YEATS2: variants seen among roughly 807,000 people sequenced by gnomAD.
YEATS2 encodes the protein YEATS domain containing 2, also known as YEATS domain-containing protein 2.
YEATS2 carries 77 observed loss-of-function variants against 163.2 expected under a neutral mutation model. The observed-to-expected ratio is 0.47, with a 90% CI of 0.39 to 0.57. The LOEUF (loss-of-function observed/expected upper bound fraction) is 0.57. Ranked by LOEUF, YEATS2 falls within the 20% of genes least tolerant of loss-of-function variation. YEATS2 has a pLI of 0.00. For missense variants in YEATS2, 1,549 were observed against 1,729.8 expected, an observed-to-expected ratio of 0.90 and a Z score of 1.85; for synonymous variants, 631 against 645.1, an observed-to-expected ratio of 0.98 and a Z score of 0.33.
chr3:183,754,526 C>A (rs1337231459), intron 11 of YEATS2, among the ~76,000 whole-genome samples, 161 bp downstream of exon 11: 1 of 152,142 alleles, frequency 6.6e-6, no homozygotes, highest in Non-Finnish European at 1.5e-5. Context: ...AAAGCTGTCA[C>A]AAGGCAAAAA....
intron 30 of YEATS2, 54 bp downstream of exon 30, chr3:183,809,224 T>G (rs1726543968): frequency 6.4e-7 from 1 of 1,570,194 alleles, no homozygotes; most frequent in Non-Finnish European, 8.8e-7. Flanking sequence ...TTCCTAACAG[T>G]TGAATTGCCC....
chr3:183,789,233 T>C (rs1454373641), intron 20 of YEATS2, among the ~76,000 whole-genome samples: 1 of 152,198 alleles, frequency 6.6e-6, no homozygotes, highest in Non-Finnish European at 1.5e-5. Context: ...CCTAATGTTT[T>C]CTTGTAGTAG....
chr3:183,788,539 C>T (rs532741196), intron 20 of YEATS2, among the ~76,000 whole-genome samples: 3 of 152,304 alleles, frequency 2.0e-5, no homozygotes, highest in South Asian at 4.1e-4. Flanking sequence ...TTTTCTTTAT[C>T]GTTCACCTGG....
Position 183,779,131 on chromosome 3 carries a change from G to T in YEATS2, c.2736+1431G>T, listed in dbSNP as rs182636806. Among the ~76,000 whole-genome samples, 24 of 151,786 alleles carry T rather than the reference G, an allele frequency of 1.6e-4. 1 individual carries two copies. The highest frequency in any genetic ancestry group is 1.6e-3 in the Admixed American group (24 of 15,254). On this transcript the variant is annotated intron_variant, in intron 19 of 30. Coordinates refer to ENST00000305135, the MANE Select transcript of YEATS2 (RefSeq NM_018023.5). ...TCACCATGTTGGTCAGGCTGGTCTC[G>T]AACTCCTGACCTCGTGGTCTGCCCG... is the stretch of plus-strand genomic sequence containing the variant.
intron 15 of YEATS2, among the ~76,000 whole-genome samples, chr3:183,765,344 A>G (rs764328760): frequency 2.0e-5 from 3 of 152,170 alleles, no homozygotes; most frequent in Non-Finnish European, 2.9e-5. Context: ...GCCGCTTTGC[A>G]TATTGCCAAT....
At chr3:183,767,012 G>A (rs1283734910) in intron 15 of YEATS2, among the ~76,000 whole-genome samples, 1 of 152,090 alleles carries the variant, frequency 6.6e-6, no homozygotes, top group African/African-American at 2.4e-5. Flanking sequence ...AACTAATTTT[G>A]GGTAATACAG....
chr3:183,787,775 A>G (rs1461870585), intron 20 of YEATS2, among the ~76,000 whole-genome samples: 1 of 152,056 alleles, frequency 6.6e-6, no homozygotes, highest in African/African-American at 2.4e-5. Flanking sequence ...AGAAGGGCGG[A>G]TCACGAGGTC....
intron 1 of YEATS2, among the ~76,000 whole-genome samples, chr3:183,704,435 C>T (rs963695864): frequency 6.6e-6 from 1 of 151,882 alleles, no homozygotes; most frequent in Non-Finnish European, 1.5e-5. Flanking sequence ...ACTGTGTTCT[C>T]GTTAGTTTTT....
chr3:183,727,819 A>G (rs1717276570), intron 6 of YEATS2, among the ~76,000 whole-genome samples: 1 of 152,202 alleles, frequency 6.6e-6, no homozygotes, highest in Non-Finnish European at 1.5e-5. Context: ...GTCACCAGAA[A>G]GGCGCAAAGC....
At chr3:183,713,770 A>G (rs563668201) in intron 1 of YEATS2, among the ~76,000 whole-genome samples, 2 of 152,334 alleles carry the variant, frequency 1.3e-5, no homozygotes, top group Admixed American at 1.3e-4. Context: ...TCGTATCTAC[A>G]CTGAACAATG....
chr3:183,763,845 A>G (rs1195010387), intron 15 of YEATS2, among the ~76,000 whole-genome samples: 2 of 152,076 alleles, frequency 1.3e-5, no homozygotes, highest in African/African-American at 4.8e-5. Context: ...AGGCGGACAG[A>G]TCACTTCAGG....
chr3:183,803,424 T>A (rs555144118), intron 26 of YEATS2, 89 bp downstream of exon 26: 1 of 1,226,842 alleles, frequency 8.2e-7, no homozygotes, highest in Admixed American at 2.2e-5. Flanking sequence ...TTGGTTGAAA[T>A]ATTTGATGGC....
At chr3:183,780,803 T>C (rs1396606875) in intron 19 of YEATS2, among the ~76,000 whole-genome samples, 1 of 152,226 alleles carries the variant, frequency 6.6e-6, no homozygotes, top group Non-Finnish European at 1.5e-5. Context: ...ATAACAGTAC[T>C]AACAGGCTTA....
intron 10 of YEATS2, among the ~76,000 whole-genome samples, chr3:183,753,924 T>A (rs1720446355): frequency 6.6e-6 from 1 of 152,178 alleles, no homozygotes; most frequent in South Asian, 2.1e-4. Flanking sequence ...CAAGTTTTTT[T>A]AAAAAAGCAC....
chr3:183,716,529 T>C (rs1313809328), intron 2 of YEATS2, among the ~76,000 whole-genome samples: 1 of 152,202 alleles, frequency 6.6e-6, no homozygotes, highest in African/African-American at 2.4e-5. Flanking sequence ...TTGCTGCAAC[T>C]TTCCCTCCTC....
intron 1 of YEATS2, among the ~76,000 whole-genome samples, chr3:183,706,707 C>T (rs907940886): frequency 3.3e-5 from 5 of 152,018 alleles, no homozygotes; most frequent in Non-Finnish European, 7.4e-5. Context: ...TCCCAGCTAC[C>T]CAGGAGGCTG....
At chr3:183,799,981 C>T (rs556328947) in intron 23 of YEATS2, among the ~76,000 whole-genome samples, 50 of 151,900 alleles carry the variant, frequency 3.3e-4, no homozygotes, top group African/African-American at 1.1e-3. Flanking sequence ...TACAGGCGCC[C>T]GCCACCACGC....
intron 5 of YEATS2, 147 bp from the exon 6 acceptor site, chr3:183,724,272 G>A: frequency 1.7e-6 from 1 of 591,746 alleles, no homozygotes; most frequent in Non-Finnish European, 2.9e-6. Context: ...CTTTTTTAAT[G>A]CTTTGAGAGG....
intron 5 of YEATS2, among the ~76,000 whole-genome samples, chr3:183,724,092 C>T (rs953540918): frequency 2.6e-5 from 4 of 151,910 alleles, no homozygotes; most frequent in East Asian, 1.9e-4. Flanking sequence ...TTCCATTGAC[C>T]CCTTTCTCTC....
Sources: allele counts gnomAD v4.1 joint callset (sites outside exome capture counted in the v4.1 genomes callset), GRCh38; gene constraint gnomAD v4.1.1; transcripts MANE v1.5; gene names NCBI Gene and HGNC (gene_info 2026-07-23, HGNC 2026-07-21).